The following MYO16 variants were observed in gnomAD, a reference collection of about 807,000 sequenced individuals.
MYO16 encodes the protein unconventional myosin-XVI.
In MYO16, 94 loss-of-function variants were observed where a neutral mutation model predicts 205.3. That is an observed-to-expected ratio of 0.46 (90% CI 0.39 to 0.54). The LOEUF is 0.54. Ranked by LOEUF, MYO16 falls within the 20% of genes least tolerant of loss-of-function variation. MYO16 has a pLI of 0.00. For synonymous variants in MYO16, 988 were observed against 954.0 expected, an observed-to-expected ratio of 1.04 and a Z score of -0.66; for missense variants, 2,315 against 2,387.5, an observed-to-expected ratio of 0.97 and a Z score of 0.63.
At chr13:108,594,785 C>T (rs1287846533), upstream of MYO16, among the ~76,000 whole-genome samples, 1 of 152,150 alleles carries the variant, frequency 6.6e-6, no homozygotes, top group East Asian at 1.9e-4. Context: ...TGTACCATTG[C>T]CTGCTTGATA....
intron 21 of MYO16, 111 bp from the exon 22 acceptor site, chr13:109,008,785 AT>A: frequency 1.7e-6 from 1 of 579,648 alleles, no homozygotes; most frequent in South Asian, 2.4e-5. Flanking sequence ...TGTACTATCT[AT>A]CTTGTGTATG....
At chr13:108,619,017 A>T (rs1027270352) in intron 1 of MYO16, among the ~76,000 whole-genome samples, 1 of 152,086 alleles carries the variant, frequency 6.6e-6, no homozygotes, top group Non-Finnish European at 1.5e-5. Context: ...CCTGATTTCT[A>T]TTATCATAAT....
chr13:109,024,382 T>C (rs532183836), intron 23 of MYO16, among the ~76,000 whole-genome samples: 11 of 152,166 alleles, frequency 7.2e-5, no homozygotes, highest in Non-Finnish European at 1.6e-4. Flanking sequence ...GTACTGTGTA[T>C]TGGAGATGCA....
chr13:109,068,373 C>T (rs1268910644), intron 27 of MYO16, among the ~76,000 whole-genome samples: 2 of 152,126 alleles, frequency 1.3e-5, no homozygotes, highest in African/African-American at 4.8e-5. Flanking sequence ...ACTCTGCCTC[C>T]ATCTCCAAGG....
intron 31 of MYO16, among the ~76,000 whole-genome samples, chr13:109,135,573 C>T (rs572382714): frequency 6.6e-6 from 1 of 152,290 alleles, no homozygotes; most frequent in South Asian, 2.1e-4. Flanking sequence ...GAGCATAACG[C>T]ACTGCAGCCT....
intron 4 of MYO16, among the ~76,000 whole-genome samples, chr13:108,745,215 C>T (rs1445584434): frequency 6.6e-6 from 1 of 152,096 alleles, no homozygotes; most frequent in Middle Eastern, 3.2e-3. Context: ...GCACAGGAGC[C>T]CTATACTGGT....
In MYO16 at chr13:109,141,516, T is replaced by TA. The variant is rs200831477; in HGVS notation, c.5164+149dup. ...GGTCGTTCAGAGCAGATATCAGCTT[T>TA]AAAAAAAAATCGTATACACCCACTG... On this transcript the variant is annotated intron_variant, in intron 32 of 34. Coordinates refer to ENST00000457511, the MANE Select transcript of MYO16 (RefSeq NM_001198950.3). The surrounding 1 kb of genome is among the most constrained non-coding windows in gnomAD (Gnocchi z 4.1). 3.8e-3 allele frequency: 2,000 copies of TA among 524,616 alleles called. 7 individuals carry two copies. Among genetic ancestry groups the TA allele is most frequent in the African/African-American group, 0.018 (904 of 50,434 alleles). 32.5% of individuals were successfully genotyped at this position (524,616 alleles called of 1,614,324 possible).
chr13:108,524,539 A>G, the MYO16 span, among the ~76,000 whole-genome samples: 9 of 152,132 alleles, frequency 5.9e-5, no homozygotes, highest in Non-Finnish European at 2.9e-5. Context: ...TTAAAAATAA[A>G]TTATCCAGTC....
At chr13:108,990,805 C>A (rs1233705725) in intron 20 of MYO16, among the ~76,000 whole-genome samples, 1 of 151,982 alleles carries the variant, frequency 6.6e-6, no homozygotes, top group Non-Finnish European at 1.5e-5. Context: ...CAGGATATTA[C>A]AGAATTATGA....
intron 15 of MYO16, among the ~76,000 whole-genome samples, chr13:108,905,239 T>C (rs1880909374): frequency 6.6e-6 from 1 of 152,186 alleles, no homozygotes; most frequent in African/African-American, 2.4e-5. Flanking sequence ...TACCCTGTTA[T>C]AAAACTAGGG....
Position 108,844,473 on chromosome 13 carries a change from G to C in MYO16, c.1228G>C (p.Gly410Arg). Residue 410 changes from glycine (G) to arginine (R), a missense_variant, in exon 10 of 35, where the codon GGT becomes CGT. This residue lies in a region of MYO16 where 1,213 missense variants were observed against 1,274.4 expected (regional missense o/e 0.95). Coordinates refer to ENST00000457511, the MANE Select transcript of MYO16 (RefSeq NM_001198950.3). Reference sequence around the variant, plus strand: ...CATCCCTGAAAACCCCATGATGAGCGGTTCCACCAAACCCGAGCAGGTAAT... The same window carrying C: ...CATCCCTGAAAACCCCATGATGAGCCGTTCCACCAAACCCGAGCAGGTAAT... The part of the protein sequence containing the change: ...DSIPENPMMS[G>R]STKPEQVKLM... The C allele has an allele frequency of 1.2e-6, 2 of 1,609,762 alleles. No homozygotes were observed. The highest frequency in any genetic ancestry group is 2.2e-5 in the South Asian group (2 of 90,496).
intron 15 of MYO16, among the ~76,000 whole-genome samples, chr13:108,905,185 G>A (rs80302288): frequency 0.04 from 6,122 of 152,090 alleles, 281 homozygotes; most frequent in Middle Eastern, 0.19. Context: ...GTTGGCCATC[G>A]GTTTGTAAAC....
At chr13:108,715,117 C>T (rs1883890494) in intron 3 of MYO16, among the ~76,000 whole-genome samples, 3 of 152,204 alleles carry the variant, frequency 2.0e-5, no homozygotes, top group East Asian at 1.9e-4. Flanking sequence ...AGCCCACAGC[C>T]GTTGCAACTT....
chr13:108,690,402 A>G (rs1313383529), intron 2 of MYO16, among the ~76,000 whole-genome samples: 1 of 44,132 alleles, frequency 2.3e-5, no homozygotes, highest in Non-Finnish European at 4.0e-5. Context: ...GCGGTACTCA[A>G]CGTCGTGCTG....
At chr13:109,199,770 T>C (rs898160883) in intron 34 of MYO16, among the ~76,000 whole-genome samples, 1 of 152,216 alleles carries the variant, frequency 6.6e-6, no homozygotes, top group Non-Finnish European at 1.5e-5. Context: ...AAAATCACTA[T>C]TGCTTTTTTA....
intron 23 of MYO16, among the ~76,000 whole-genome samples, chr13:109,023,384 CAGATATAAATATATATTTATATATTA>C (rs1886184177): frequency 1.2e-4 from 8 of 67,242 alleles, no homozygotes; most frequent in Admixed American, 2.8e-4. Flanking sequence ...ATATATTATA[CAGATATAAATATATATTTATATATTA>C]TACAGATATA....
intron 4 of MYO16, among the ~76,000 whole-genome samples, chr13:108,728,963 C>A (rs1193969724): frequency 6.8e-6 from 1 of 146,370 alleles, no homozygotes; most frequent in Non-Finnish European, 1.5e-5. Context: ...TCTGATTTGT[C>A]CTTCAAGAAT....
chr13:108,964,086 C>T lies in MYO16; in HGVS notation c.2228-675C>T, dbSNP rs546970737. On this transcript the variant is annotated intron_variant, in intron 19 of 34. Transcript: ENST00000457511. ...TCCTAGTCTCCTGCTCTGCCTGAGA[C>T]GCAATGGTCAGCAAGTTTGGCCAAG... Among the ~76,000 whole-genome samples, 16 of 152,316 alleles carry T rather than the reference C, an allele frequency of 1.1e-4. No homozygotes were observed. The East Asian group carries it at 1.7e-3, about 17-fold the overall frequency.
intron 31 of MYO16, among the ~76,000 whole-genome samples, chr13:109,134,236 G>C (rs1876668180): frequency 6.6e-6 from 1 of 152,142 alleles, no homozygotes; most frequent in Admixed American, 6.6e-5. Flanking sequence ...GTGTCACATA[G>C]GCAAGTTTGG....
Sources: allele counts gnomAD v4.1 joint callset (sites outside exome capture counted in the v4.1 genomes callset), GRCh38; gene constraint gnomAD v4.1.1; regional missense constraint gnomAD v4.1.1; non-coding constraint Gnocchi (gnomAD v3.1); transcripts MANE v1.5; gene names NCBI Gene and HGNC (gene_info 2026-07-23, HGNC 2026-07-21).